CCDC141: variants seen among roughly 807,000 people sequenced by gnomAD.
The protein encoded by CCDC141 is coiled-coil domain-containing protein 141.
Under a neutral mutation model 181.0 loss-of-function variants are expected in CCDC141, and 168 were observed. That is an observed-to-expected ratio of 0.93 (90% CI 0.82 to 1.05). The LOEUF is 1.05. CCDC141 is among the 50% of genes least tolerant of loss of function. CCDC141 has a pLI of 0.00. For synonymous variants in CCDC141, 666 were observed against 642.3 expected (o/e 1.04, Z -0.56); for missense variants, 1,902 against 1,788.5 (o/e 1.06, Z -1.14).
At chr2:179,004,203 A>G (rs1181551271) in intron 2 of CCDC141, among the ~76,000 whole-genome samples, 2 of 152,190 alleles carry the variant, frequency 1.3e-5, no homozygotes, top group African/African-American at 4.8e-5. Flanking sequence ...TGGGCTGAAG[A>G]CTGCATTAAT....
intron 2 of CCDC141, among the ~76,000 whole-genome samples, chr2:179,022,607 T>C (rs2042720785): frequency 6.6e-6 from 1 of 152,206 alleles, no homozygotes; most frequent in African/African-American, 2.4e-5. Context: ...AATATGTCTA[T>C]GGTACTTTCA....
intron 5 of CCDC141, among the ~76,000 whole-genome samples, chr2:178,945,876 C>CA (rs34328809): frequency 2.0e-5 from 3 of 151,634 alleles, no homozygotes; most frequent in African/African-American, 4.8e-5. Context: ...CACACACACA[C>CA]ATCAGAGTTA....
rs984140364 is a variant in CCDC141, at chr2:178,853,582, C to T, written c.3103G>A (p.Val1035Ile). 6 of 1,613,798 alleles carry T rather than the reference C, an allele frequency of 3.7e-6. No individual in the cohort carries two copies. The highest frequency in any genetic ancestry group is 3.4e-6 in the Non-Finnish European group (4 of 1,179,904). Residue 1035 changes from valine to isoleucine, a missense_variant, in exon 20 of 24, where the codon GTT becomes ATT. Val to Ile is a conservative substitution (Grantham distance 29, BLOSUM62 3). Transcript: ENST00000443758. ...TTGCACTCTGTGGAATATTTTCCAA[C>T]TCTTACAACTGTGGCACTTGCATCT... Reference protein sequence around the residue: ...YEDASATVVRVGKYSTECKTK... With the variant: ...YEDASATVVRIGKYSTECKTK...
intron 8 of CCDC141, among the ~76,000 whole-genome samples, chr2:178,901,759 C>A (rs1473366540): frequency 6.6e-6 from 1 of 151,388 alleles, no homozygotes; most frequent in Non-Finnish European, 1.5e-5. Flanking sequence ...CTGGCCAGGG[C>A]AATTAGGCAG....
the CCDC141 span, chr2:178,817,605 T>C: frequency 4.3e-6 from 2 of 470,546 alleles, no homozygotes; most frequent in Non-Finnish European, 8.8e-6. Flanking sequence ...CACTGTGCAG[T>C]GTGGAAGCAG....
intron 16 of CCDC141, 70 bp downstream of exon 16, chr2:178,867,956 G>A: frequency 7.9e-7 from 1 of 1,273,504 alleles, no homozygotes; most frequent in Non-Finnish European, 1.1e-6. Flanking sequence ...AATCTGCCTG[G>A]TTTCTTTCAT....
chr2:178,818,682 T>C, the CCDC141 span, among the ~76,000 whole-genome samples: 1 of 152,212 alleles, frequency 6.6e-6, no homozygotes, highest in Non-Finnish European at 1.5e-5. Context: ...CTATCATTGA[T>C]GGGTGTTTGG....
At chr2:179,037,503 C>T (rs771471942) in intron 2 of CCDC141, among the ~76,000 whole-genome samples, 12 of 152,228 alleles carry the variant, frequency 7.9e-5, no homozygotes, top group Non-Finnish European at 1.0e-4. Flanking sequence ...ATAAATAATT[C>T]GAGTCACGCA....
chr2:178,994,614 C>G (rs576856808), intron 2 of CCDC141, among the ~76,000 whole-genome samples: 9 of 152,320 alleles, frequency 5.9e-5, no homozygotes, highest in African/African-American at 1.9e-4. Flanking sequence ...CTCCTCGTTA[C>G]TTATGCAAAT....
intron 2 of CCDC141, among the ~76,000 whole-genome samples, chr2:178,988,131 A>G (rs1052316078): frequency 6.6e-6 from 1 of 152,156 alleles, no homozygotes; most frequent in African/African-American, 2.4e-5. Context: ...ATGGAATACT[A>G]TGCAGCAATA....
At chr2:178,986,999 CG>C (rs1691780691) in intron 2 of CCDC141, among the ~76,000 whole-genome samples, 1 of 151,908 alleles carries the variant, frequency 6.6e-6, no homozygotes, top group Non-Finnish European at 1.5e-5. Context: ...AAAAAGAGCC[CG>C]CATCGCCAAG....
chr2:178,838,575 C>A (rs1418376493), intron 22 of CCDC141, among the ~76,000 whole-genome samples: 1 of 152,210 alleles, frequency 6.6e-6, no homozygotes, highest in South Asian at 2.1e-4. Context: ...TGAGCACCTA[C>A]TGCTATACAC....
At position 178,877,562 on chromosome 2, in the gene CCDC141, G is replaced by A. The variant is rs139285330; in HGVS notation, c.1899+402C>T. On this transcript the variant is annotated intron_variant, in intron 12 of 23. Coordinates refer to ENST00000443758, the MANE Select transcript of CCDC141 (RefSeq NM_173648.4). ...AAATGCAATGGATCTTCACTACAAA[G>A]AGATCTGCTATGGTAAGAAACTCTT... 16 of 213,622 alleles carry A rather than the reference G, an allele frequency of 7.5e-5. No individual in the cohort carries two copies. In the Admixed American group the frequency reaches 8.9e-4, roughly 12 times the overall value. The allele number at this position is 213,622 out of a possible 1,614,324, so 13.2% of individuals were successfully genotyped here.
intron 6 of CCDC141, among the ~76,000 whole-genome samples, chr2:178,925,862 C>G (rs1688889546): frequency 6.6e-6 from 1 of 151,980 alleles, no homozygotes; most frequent in African/African-American, 2.4e-5. Context: ...TCTACACAAT[C>G]CATTGAGATC....
At chr2:178,989,122 A>G (rs1490395864) in intron 2 of CCDC141, among the ~76,000 whole-genome samples, 1 of 152,202 alleles carries the variant, frequency 6.6e-6, no homozygotes, top group African/African-American at 2.4e-5. Flanking sequence ...CACCAGTAGC[A>G]TAAGCAACAA....
At chr2:178,957,629 A>G (rs974670610) in intron 5 of CCDC141, among the ~76,000 whole-genome samples, 2 of 152,262 alleles carry the variant, frequency 1.3e-5, no homozygotes, top group Non-Finnish European at 2.9e-5. Flanking sequence ...GATGCCCATA[A>G]CAGCTTTATT....
intron 6 of CCDC141, among the ~76,000 whole-genome samples, chr2:178,938,708 C>G (rs1008054337): frequency 6.6e-6 from 1 of 152,072 alleles, no homozygotes; most frequent in South Asian, 2.1e-4. Context: ...AAGTCTCCCA[C>G]TATTATTGTC....
chr2:179,026,046 C>T (rs984084057), intron 2 of CCDC141, among the ~76,000 whole-genome samples: 1 of 152,082 alleles, frequency 6.6e-6, no homozygotes, highest in African/African-American at 2.4e-5. Flanking sequence ...GGAAGCAGAC[C>T]ATAAAAGTTT....
chr2:178,911,562 A>T (rs1010531393), intron 7 of CCDC141, among the ~76,000 whole-genome samples: 1 of 152,220 alleles, frequency 6.6e-6, no homozygotes, highest in Non-Finnish European at 1.5e-5. Context: ...TCCCAAAAAG[A>T]GTGTGTACAA....
Sources: gnomAD v4.1 joint callset for allele counts (sites outside exome capture counted in the v4.1 genomes callset) on GRCh38, gnomAD v4.1.1 for gene constraint, MANE v1.5 for transcripts, NCBI Gene and HGNC (gene_info 2026-07-23, HGNC 2026-07-21) for gene names.